B3GALT1: variants seen among roughly 807,000 people sequenced by gnomAD.
B3GALT1 encodes the protein UDP-Gal:betaGlcNAc beta 1,3-galactosyltransferase, polypeptide 1.
In B3GALT1, 10 loss-of-function variants were observed where a neutral mutation model predicts 23.2. The observed-to-expected ratio is 0.43, with a 90% confidence interval of 0.27 to 0.73. The LOEUF (loss-of-function observed/expected upper bound fraction) is 0.73, where lower values mean the gene tolerates loss of function less well. B3GALT1 is among the 30% of genes least tolerant of loss of function. B3GALT1 has a pLI of 0.21. For synonymous variants in B3GALT1, 156 were observed against 141.5 expected (o/e 1.10, Z -0.73); for missense variants, 299 against 405.4 (o/e 0.74, Z 2.25).
chr2:167,679,163 C>G (rs1360232345), intron 3 of B3GALT1, among the ~76,000 whole-genome samples: 1 of 151,140 alleles, frequency 6.6e-6, no homozygotes, highest in African/African-American at 2.4e-5. Flanking sequence ...GTCACCCAGG[C>G]TGGAGTGCAA....
rs189324819 is a variant in B3GALT1 at position 167,307,522 on chromosome 2, G to C, written c.-511+14188G>C. ...GTAATAAAGATGTTATTTTCTAAGA[G>C]TGCACTAATAAGTAGATGGAATCAT... is the stretch of plus-strand genomic sequence containing the variant. On this transcript the variant is annotated intron_variant, in intron 1 of 4. Coordinates refer to ENST00000392690, the MANE Select transcript of B3GALT1 (RefSeq NM_020981.4). Among the ~76,000 whole-genome samples, 711 of 152,074 alleles carry C rather than the reference G, an allele frequency of 4.7e-3. 4 individuals carry two copies. The highest frequency in any genetic ancestry group is 0.013 in the South Asian group (63 of 4,822).
intron 3 of B3GALT1, among the ~76,000 whole-genome samples, chr2:167,815,422 T>G (rs1327191951): frequency 6.6e-6 from 1 of 152,224 alleles, no homozygotes; most frequent in Non-Finnish European, 1.5e-5. Context: ...TGTGTTTTGT[T>G]CTGTTGGTCC....
intron 3 of B3GALT1, among the ~76,000 whole-genome samples, chr2:167,685,081 G>T (rs1474277070): frequency 6.6e-6 from 1 of 152,190 alleles, no homozygotes; most frequent in Non-Finnish European, 1.5e-5. Context: ...GATATAACAA[G>T]ATATTGTACA....
intron 3 of B3GALT1, among the ~76,000 whole-genome samples, chr2:167,704,805 C>T (rs1290972771): frequency 6.6e-6 from 1 of 152,130 alleles, no homozygotes; most frequent in East Asian, 1.9e-4. Context: ...TATTAAAGAT[C>T]ACAACTGGTA....
rs1558887680 is a variant in B3GALT1, at chr2:167,512,570, A to ATATATATATG, written c.-410+22303_-410+22312dup. On this transcript the variant is annotated intron_variant, in intron 2 of 4. Transcript: ENST00000392690. ...TGTATATATATGTATATATATATGTATATATATATGTATATATATATGTGT... is the reference window on the plus strand; with the variant it reads ...TGTATATATATGTATATATATATGTATATATATATGTATATATATGTATATATATATGTGT... Among the ~76,000 whole-genome samples, 102 of 91,148 alleles carry ATATATATATG rather than the reference A, an allele frequency of 1.1e-3. 4 individuals carry two copies. Among genetic ancestry groups the ATATATATATG allele is most frequent in the African/African-American group, 4.4e-3 (93 of 21,056 alleles). The allele number at this position is 91,148 out of a possible 152,430, so 59.8% of individuals were successfully genotyped here.
intron 2 of B3GALT1, among the ~76,000 whole-genome samples, chr2:167,530,768 A>T (rs1683313246): frequency 6.6e-6 from 1 of 152,218 alleles, no homozygotes; most frequent in African/African-American, 2.4e-5. Flanking sequence ...AACCTTTTCC[A>T]ATATTTAATT....
At chr2:167,761,482 T>C (rs1157302175) in intron 3 of B3GALT1, among the ~76,000 whole-genome samples, 2 of 152,230 alleles carry the variant, frequency 1.3e-5, no homozygotes, top group Admixed American at 6.5e-5. Context: ...TTTTACCCAT[T>C]CTTATGAGGT....
intron 2 of B3GALT1, among the ~76,000 whole-genome samples, chr2:167,581,897 T>C (rs1027581123): frequency 2.0e-5 from 3 of 152,144 alleles, no homozygotes; most frequent in African/African-American, 7.2e-5. Flanking sequence ...TAGGTCTGCT[T>C]TCTGTTTATT....
At chr2:167,767,352 C>T (rs181469627) in intron 3 of B3GALT1, among the ~76,000 whole-genome samples, 7 of 152,210 alleles carry the variant, frequency 4.6e-5, no homozygotes, top group African/African-American at 7.2e-5. Flanking sequence ...CATTTCTTTG[C>T]GGCATTGTCC....
At chr2:167,752,214 A>G (rs1687748808) in intron 3 of B3GALT1, among the ~76,000 whole-genome samples, 1 of 152,180 alleles carries the variant, frequency 6.6e-6, no homozygotes, top group African/African-American at 2.4e-5. Context: ...TATGCACAGT[A>G]GACACTTCCG....
intron 1 of B3GALT1, among the ~76,000 whole-genome samples, chr2:167,408,520 C>T (rs1698343874): frequency 6.6e-6 from 1 of 151,840 alleles, no homozygotes; most frequent in Non-Finnish European, 1.5e-5. Context: ...CTGGCCAGAG[C>T]AATTAGTCAA....
At chr2:167,711,788 A>G (rs1185465945) in intron 3 of B3GALT1, among the ~76,000 whole-genome samples, 2 of 152,112 alleles carry the variant, frequency 1.3e-5, no homozygotes, top group Non-Finnish European at 2.9e-5. Context: ...AACATGGCAA[A>G]ACTCCATCTA....
At chr2:167,302,502 A>G (rs1696466892) in intron 1 of B3GALT1, among the ~76,000 whole-genome samples, 2 of 152,242 alleles carry the variant, frequency 1.3e-5, no homozygotes, top group South Asian at 4.1e-4. Context: ...ATATTCAGTG[A>G]TATCTGGTTA....
intron 1 of B3GALT1, among the ~76,000 whole-genome samples, chr2:167,442,687 G>A (rs1574080357): frequency 6.7e-6 from 1 of 149,646 alleles, no homozygotes; most frequent in Admixed American, 6.6e-5. Context: ...CTTTTGAGAA[G>A]TGTCTGTTCA....
chr2:167,774,497 G>GTTTTTTTTTTTTTTTT (rs397986581), intron 3 of B3GALT1, among the ~76,000 whole-genome samples: 1 of 83,004 alleles, frequency 1.2e-5, no homozygotes, highest in Non-Finnish European at 2.2e-5. Context: ...TTTTTTTTTT[G>GTTTTTTTTTTTTTTTT]TTTTTTTTTT....
intron 2 of B3GALT1, among the ~76,000 whole-genome samples, chr2:167,538,864 A>G (rs993413142): frequency 6.6e-6 from 1 of 152,158 alleles, no homozygotes; most frequent in Non-Finnish European, 1.5e-5. Flanking sequence ...CTGCTTCTAG[A>G]GTGCTGATAG....
chr2:167,817,385 C>T (rs1689015981), intron 3 of B3GALT1, among the ~76,000 whole-genome samples: 1 of 152,182 alleles, frequency 6.6e-6, no homozygotes, highest in Non-Finnish European at 1.5e-5. Flanking sequence ...CAAGCACCAT[C>T]CTAAGCACTT....
chr2:167,459,411 AC>A (rs372248797), intron 1 of B3GALT1, among the ~76,000 whole-genome samples: 31 of 152,180 alleles, frequency 2.0e-4, no homozygotes, highest in Admixed American at 9.8e-4. Flanking sequence ...TTTGTTCCCA[AC>A]CCTTTTCCTG....
At chr2:167,795,920 G>A (rs1248625720) in intron 3 of B3GALT1, among the ~76,000 whole-genome samples, 1 of 152,226 alleles carries the variant, frequency 6.6e-6, no homozygotes, top group African/African-American at 2.4e-5. Context: ...ATCCTGGGCA[G>A]TGCATTCATA....
Sources: allele counts gnomAD v4.1 joint callset (sites outside exome capture counted in the v4.1 genomes callset), GRCh38; gene constraint gnomAD v4.1.1; transcripts MANE v1.5; gene names NCBI Gene and HGNC (gene_info 2026-07-23, HGNC 2026-07-21).